Variants in PLEKHA2 observed in about 807,000 individuals in gnomAD.
PLEKHA2 encodes the protein pleckstrin homology domain containing A2.
In PLEKHA2, 28 loss-of-function variants were observed where a neutral mutation model predicts 53.2. The ratio of observed to expected loss-of-function variants is 0.53; its 90% CI spans 0.39 to 0.72. The LOEUF (loss-of-function observed/expected upper bound fraction) is 0.72. PLEKHA2 is among the 30% of genes least tolerant of loss of function. The pLI is 0.00. For missense variants in PLEKHA2, 426 were observed against 537.9 expected (o/e 0.79, Z 2.06); for synonymous variants, 193 against 196.4 (o/e 0.98, Z 0.14).
chr8:38,921,594 A>G (rs1451361698), intron 2 of PLEKHA2, among the ~76,000 whole-genome samples: 1 of 152,112 alleles, frequency 6.6e-6, no homozygotes, highest in Non-Finnish European at 1.5e-5. Context: ...GCTGCCTTCT[A>G]AGCTCTCTGG....
At chr8:38,906,365 C>A (rs1833873380) in intron 1 of PLEKHA2, among the ~76,000 whole-genome samples, 1 of 152,200 alleles carries the variant, frequency 6.6e-6, no homozygotes, top group Non-Finnish European at 1.5e-5. Context: ...TTTTTGGCAT[C>A]TTTATTGCAG....
intron 6 of PLEKHA2, among the ~76,000 whole-genome samples, chr8:38,951,628 A>G (rs766914243): frequency 4.6e-5 from 7 of 151,796 alleles, no homozygotes; most frequent in Non-Finnish European, 8.8e-5. Context: ...CTCCCACCTC[A>G]TCTGGGACCA....
chr8:38,946,266 C>G (rs967292165), intron 5 of PLEKHA2, 45 bp downstream of exon 5: 7 of 1,498,136 alleles, frequency 4.7e-6, no homozygotes, highest in Non-Finnish European at 6.4e-6. Flanking sequence ...AAAAGTGCCT[C>G]TTCCCAGGCT....
intron 9 of PLEKHA2, among the ~76,000 whole-genome samples, 163 bp from the exon 10 acceptor site, chr8:38,957,160 C>G (rs1834956860): frequency 2.0e-5 from 3 of 152,184 alleles, no homozygotes; most frequent in Admixed American, 2.0e-4. Flanking sequence ...TAGAGGAAAC[C>G]CCTGGAGTGT....
intron 2 of PLEKHA2, among the ~76,000 whole-genome samples, chr8:38,935,296 A>G (rs1834472656): frequency 6.6e-6 from 1 of 152,158 alleles, no homozygotes; most frequent in Admixed American, 6.5e-5. Flanking sequence ...GACGTGAGCC[A>G]CTGTGCCTGG....
chr8:38,962,531 A>G (rs919533830), intron 10 of PLEKHA2, among the ~76,000 whole-genome samples: 1 of 152,182 alleles, frequency 6.6e-6, no homozygotes. Flanking sequence ...CTAAGCAGGT[A>G]GAAAGGCCAG....
chr8:38,935,100 A>G (rs1216067317), intron 2 of PLEKHA2, among the ~76,000 whole-genome samples: 2 of 151,916 alleles, frequency 1.3e-5, no homozygotes, highest in Non-Finnish European at 2.9e-5. Context: ...TGCAACCTCC[A>G]CCTCCCAGGT....
At chr8:38,952,355 C>T in intron 7 of PLEKHA2, 43 bp downstream of exon 7, 5 of 1,598,528 alleles carry the variant, frequency 3.1e-6, no homozygotes, top group African/African-American at 1.3e-5. Flanking sequence ...CTGGTGACTC[C>T]TCAGAGCCAG....
chr8:38,955,683 G>A (rs537083371), intron 9 of PLEKHA2, among the ~76,000 whole-genome samples: 1 of 152,314 alleles, frequency 6.6e-6, no homozygotes, highest in South Asian at 2.1e-4. Context: ...GGTACCTGTG[G>A]CACTGGCCGA....
At chr8:38,946,078 A>T in intron 4 of PLEKHA2, 46 bp from the exon 5 acceptor site, 1 of 1,471,592 alleles carries the variant, frequency 6.8e-7, no homozygotes. Context: ...TATTGCTTGT[A>T]TTCTGACCTA....
chr8:38,960,109 A>G (rs912012483), intron 10 of PLEKHA2, among the ~76,000 whole-genome samples: 14 of 152,198 alleles, frequency 9.2e-5, no homozygotes, highest in African/African-American at 3.4e-4. Context: ...AATCTACATG[A>G]GTGTATGCAC....
intron 3 of PLEKHA2, among the ~76,000 whole-genome samples, chr8:38,939,364 AAT>A (rs144995774): frequency 0.01 from 1,594 of 152,362 alleles, 28 homozygotes; most frequent in African/African-American, 0.037. Context: ...GCAGTGAGCC[AAT>A]CAGGGCAGAA....
In PLEKHA2 at chr8:38,970,977, T is replaced by C. The variant is rs916590585; in HGVS notation, c.*1194T>C. The C allele has an allele frequency of 8.5e-5, 13 of 152,262 alleles. No homozygotes were observed. The highest frequency in any genetic ancestry group is 1.8e-4 in the Non-Finnish European group (12 of 68,048). The allele number at this position is 152,262 out of a possible 1,614,324, so 9.4% of individuals were successfully genotyped here. A position where few individuals can be genotyped will look rare whatever the true frequency, so the allele number is the denominator to read the frequency against. On this transcript the variant is annotated 3_prime_UTR_variant, in exon 12 of 12. Coordinates refer to ENST00000617275, the MANE Select transcript of PLEKHA2 (RefSeq NM_021623.2). ...CTTAGCTTATTTCTGTCTGTGACTT[T>C]TATCAGCTAGATCAGTTAATTGTAT...
At chr8:38,926,202 T>C (rs568264972) in intron 2 of PLEKHA2, among the ~76,000 whole-genome samples, 19 of 152,284 alleles carry the variant, frequency 1.2e-4, no homozygotes, top group Non-Finnish European at 2.1e-4. Flanking sequence ...ACTATCCATG[T>C]AGACTTGTGA....
chr8:38,942,965 G>A (rs1436885470), intron 3 of PLEKHA2, among the ~76,000 whole-genome samples: 1 of 152,236 alleles, frequency 6.6e-6, no homozygotes, highest in East Asian at 1.9e-4. Context: ...CATCAGGGCA[G>A]ATGTAAAGGC....
intron 1 of PLEKHA2, among the ~76,000 whole-genome samples, chr8:38,912,725 A>G (rs892790408): frequency 3.3e-5 from 5 of 152,208 alleles, no homozygotes; most frequent in Non-Finnish European, 5.9e-5. Context: ...TCAGAGGATT[A>G]GGGCTCAGGA....
At chr8:38,947,957 T>C (rs1283071591) in intron 5 of PLEKHA2, among the ~76,000 whole-genome samples, 5 of 150,036 alleles carry the variant, frequency 3.3e-5, no homozygotes, top group African/African-American at 1.2e-4. Flanking sequence ...CATGTTGGCA[T>C]GCACCGTAAT....
At chr8:38,942,236 TA>T (rs371436045) in intron 3 of PLEKHA2, among the ~76,000 whole-genome samples, 6 of 147,878 alleles carry the variant, frequency 4.1e-5, no homozygotes, top group Admixed American at 6.7e-5. Flanking sequence ...ACCCCATCTC[TA>T]AAAAAAAAAT....
intron 2 of PLEKHA2, among the ~76,000 whole-genome samples, chr8:38,920,021 G>T (rs1017383532): frequency 6.6e-6 from 1 of 152,064 alleles, no homozygotes; most frequent in African/African-American, 2.4e-5. Flanking sequence ...ACCCAGGCTG[G>T]AGTGCAGTGG....
Sources: gnomAD v4.1 joint callset for allele counts (sites outside exome capture counted in the v4.1 genomes callset) on GRCh38, gnomAD v4.1.1 for gene constraint, MANE v1.5 for transcripts, NCBI Gene and HGNC (gene_info 2026-07-23, HGNC 2026-07-21) for gene names.